Variants in TPTE observed in about 807,000 individuals in gnomAD.
TPTE encodes transmembrane phosphatase with tensin homology, also known as putative tyrosine-protein phosphatase TPTE.
Under a neutral mutation model 84.1 loss-of-function variants are expected in TPTE, and 59 were observed. That is an observed-to-expected ratio of 0.70 (90% CI 0.57 to 0.87). The LOEUF (loss-of-function observed/expected upper bound fraction) is 0.87, where lower values mean the gene tolerates loss of function less well. Among genes scored for constraint, TPTE ranks in the 40% least tolerant of loss-of-function variants. The pLI is 0.00. For missense variants in TPTE, 382 were observed against 659.6 expected (o/e 0.58, Z 4.61); for synonymous variants, 130 against 223.5 (o/e 0.58, Z 3.73).
At chr21:10,581,052 CTT>C (rs1453586644) in intron 17 of TPTE, among the ~76,000 whole-genome samples, 269 of 151,508 alleles carry the variant, frequency 1.8e-3, no homozygotes, top group Middle Eastern at 7.0e-3. Context: ...CATCAACTGA[CTT>C]ATATAATTCA....
At chr21:10,547,238 G>A (rs1244717632) in intron 7 of TPTE, among the ~76,000 whole-genome samples, 11 of 151,862 alleles carry the variant, frequency 7.2e-5, no homozygotes, top group African/African-American at 2.7e-4. Context: ...AAGAACCGAG[G>A]CAAGAAATAC....
intron 21 of TPTE, among the ~76,000 whole-genome samples, chr21:10,600,143 T>TTC (rs2075662237): frequency 6.8e-6 from 1 of 146,426 alleles, no homozygotes; most frequent in Non-Finnish European, 1.5e-5. Context: ...TCTTTTTCTT[T>TTC]TTTTTTTTTT....
At chr21:10,526,957 A>C (rs1600849516) in intron 2 of TPTE, among the ~76,000 whole-genome samples, 2 of 152,422 alleles carry the variant, frequency 1.3e-5, no homozygotes, top group African/African-American at 4.8e-5. Flanking sequence ...GAATCCAGAC[A>C]AAGAGAAAAC....
chr21:10,549,701 A>T (rs1234516692), intron 7 of TPTE, among the ~76,000 whole-genome samples: 1 of 152,312 alleles, frequency 6.6e-6, no homozygotes. Flanking sequence ...GACACCATTA[A>T]TTTGGTCAAA....
intron 21 of TPTE, among the ~76,000 whole-genome samples, chr21:10,598,693 G>T (rs1160254145): frequency 1.3e-5 from 2 of 152,308 alleles, no homozygotes; most frequent in Admixed American, 1.3e-4. Context: ...AAGCAAAAGG[G>T]ACCTGGTAGT....
intron 14 of TPTE, among the ~76,000 whole-genome samples, chr21:10,572,726 C>T (rs1237505721): frequency 2.0e-5 from 3 of 152,294 alleles, no homozygotes; most frequent in African/African-American, 7.2e-5. Context: ...TTCATTCCCA[C>T]TAGACTGACC....
intron 8 of TPTE, among the ~76,000 whole-genome samples, chr21:10,557,556 A>T (rs1364209677): frequency 6.6e-6 from 1 of 152,302 alleles, no homozygotes; most frequent in Non-Finnish European, 1.5e-5. Flanking sequence ...TTCTTGTAGT[A>T]AGGGAATGGC....
intron 14 of TPTE, among the ~76,000 whole-genome samples, chr21:10,576,830 CATATATACATAT>C (rs2075161914): frequency 7.9e-6 from 1 of 126,818 alleles, no homozygotes; most frequent in Admixed American, 8.2e-5. Flanking sequence ...AAAGGTTATA[CATATATACATAT>C]ATATATATAT....
At chr21:10,589,918 A>AT (rs2075435320) in intron 17 of TPTE, among the ~76,000 whole-genome samples, 1 of 152,312 alleles carries the variant, frequency 6.6e-6, no homozygotes, top group Non-Finnish European at 1.5e-5. Context: ...GGCATGCTAA[A>AT]AGCCTGTAAT....
chr21:10,523,746 T>C lies in TPTE; in HGVS notation c.-210-834T>C, dbSNP rs566320074. On this transcript the variant is annotated intron_variant, in intron 1 of 23. Coordinates refer to ENST00000618007, the MANE Select transcript of TPTE (RefSeq NM_199261.4). ...AAGTCTTTGCTATTGTGAATAGTGC[T>C]GCAGTAAACATACGTGTGCATGTGT... 4.5e-4 allele frequency among the ~76,000 whole-genome samples: 68 copies of C among 152,312 alleles called. No individual in the cohort carries two copies. The South Asian group carries it at 5.2e-3, about 12-fold the overall frequency.
chr21:10,590,646 A>T, intron 18 of TPTE, 123 bp downstream of exon 18: 1 of 1,503,928 alleles, frequency 6.6e-7, no homozygotes, highest in Non-Finnish European at 9.1e-7. Flanking sequence ...GTAATTAGAG[A>T]AGCAGTCTTT....
chr21:10,521,919 TCC>T (rs2073984468), intron 1 of TPTE, among the ~76,000 whole-genome samples: 5 of 135,684 alleles, frequency 3.7e-5, no homozygotes, highest in Admixed American at 7.2e-5. Flanking sequence ...CCTCCCTCCC[TCC>T]GCCCTCCCCG....
intron 9 of TPTE, among the ~76,000 whole-genome samples, 184 bp from the exon 10 acceptor site, chr21:10,560,846 T>C (rs892278891): frequency 6.6e-5 from 10 of 152,308 alleles, no homozygotes; most frequent in Admixed American, 5.2e-4. Context: ...CTGCTTCTAT[T>C]GGGTGAAAAC....
At chr21:10,575,267 A>G (rs1170155613) in intron 14 of TPTE, among the ~76,000 whole-genome samples, 1 of 152,312 alleles carries the variant, frequency 6.6e-6, no homozygotes, top group African/African-American at 2.4e-5. Context: ...TGCCTCTTTA[A>G]GCAGGACCCC....
At chr21:10,572,004 CAAAAAAAAAA>C (rs59120761) in intron 14 of TPTE, among the ~76,000 whole-genome samples, 1 of 145,652 alleles carries the variant, frequency 6.9e-6, no homozygotes, top group African/African-American at 2.5e-5. Flanking sequence ...TACCCTGTCT[CAAAAAAAAAA>C]AAAAAATACA....
At chr21:10,540,622 C>G in intron 4 of TPTE, 2 of 518,718 alleles carry the variant, frequency 3.9e-6, no homozygotes, top group South Asian at 2.8e-5. Context: ...CAGAGCTCTA[C>G]CGTTATGTGA....
At chr21:10,550,181 A>G (rs1359088609) in intron 7 of TPTE, among the ~76,000 whole-genome samples, 1 of 152,312 alleles carries the variant, frequency 6.6e-6, no homozygotes, top group African/African-American at 2.4e-5. Flanking sequence ...TTACATCTGG[A>G]AGTAAAAAGA....
intron 7 of TPTE, among the ~76,000 whole-genome samples, chr21:10,552,398 CAT>C (rs1257603227): frequency 6.6e-6 from 1 of 152,264 alleles, no homozygotes; most frequent in African/African-American, 2.4e-5. Flanking sequence ...TCTTTATATG[CAT>C]ATATATAGAA....
intron 2 of TPTE, 21 bp from the exon 3 acceptor site, chr21:10,527,334 G>A (rs2145576530): frequency 6.5e-6 from 1 of 152,916 alleles, no homozygotes; most frequent in African/African-American, 2.4e-5. Flanking sequence ...TTTTTTGTAT[G>A]TGCTTTTTAC....
Sources: gnomAD v4.1 joint callset for allele counts (sites outside exome capture counted in the v4.1 genomes callset) on GRCh38, gnomAD v4.1.1 for gene constraint, MANE v1.5 for transcripts, NCBI Gene and HGNC (gene_info 2026-07-23, HGNC 2026-07-21) for gene names.